ANO2: variants seen among roughly 807,000 people sequenced by gnomAD.
ANO2 encodes the protein anoctamin 2.
In ANO2, 101 loss-of-function variants were observed where a neutral mutation model predicts 124.2. The observed-to-expected ratio is 0.81, with a 90% CI of 0.69 to 0.96. The LOEUF (loss-of-function observed/expected upper bound fraction) is 0.96, where lower values mean the gene tolerates loss of function less well. Ranked by LOEUF, ANO2 falls within the 40% of genes least tolerant of loss-of-function variation. The probability of loss-of-function intolerance (pLI) is 0.00; values close to 1 mark genes in which losing one functional copy is unlikely to be tolerated. For missense variants in ANO2, 1,293 were observed against 1,274.5 expected (o/e 1.01, Z -0.22); for synonymous variants, 486 against 482.5 (o/e 1.01, Z -0.09).
chr12:5,678,409 A>C (rs568034059), intron 14 of ANO2, among the ~76,000 whole-genome samples: 1 of 152,232 alleles, frequency 6.6e-6, no homozygotes, highest in African/African-American at 2.4e-5. Flanking sequence ...CAGGGCGCCA[A>C]CTGGGTGGCA....
rs182167456 is a variant in ANO2, at chr12:5,761,808, A to G, written c.1056-10838T>C. Among the ~76,000 whole-genome samples the G allele has an allele frequency of 7.5e-3, 1,145 of 152,250 alleles. 5 individuals are homozygous for G. Among genetic ancestry groups the G allele is most frequent in the Non-Finnish European group, 0.012 (786 of 67,978 alleles). On this transcript the variant is annotated intron_variant, in intron 10 of 24. Transcript: ENST00000682330. Reference sequence around the variant, plus strand: ...CTTTGGTAAATAAGATTACTTTAACATTGTTAGATTAATGAAAACAGCTCT... The same window carrying G: ...CTTTGGTAAATAAGATTACTTTAACGTTGTTAGATTAATGAAAACAGCTCT...
chr12:5,610,801 G>A (rs1944493929), intron 19 of ANO2, among the ~76,000 whole-genome samples: 1 of 122,160 alleles, frequency 8.2e-6, no homozygotes, highest in Admixed American at 1.0e-4. Context: ...AGCTGGCCCA[G>A]CCCATCAGAG....
chr12:5,928,833 C>A (rs1237694070), intron 1 of ANO2, among the ~76,000 whole-genome samples: 1 of 36,788 alleles, frequency 2.7e-5, no homozygotes, highest in African/African-American at 1.3e-4. Context: ...TTTCCTTACT[C>A]GTCTACCTTC....
intron 23 of ANO2, among the ~76,000 whole-genome samples, chr12:5,568,519 T>A (rs901330857): frequency 1.3e-5 from 2 of 152,226 alleles, no homozygotes; most frequent in Non-Finnish European, 1.5e-5. Context: ...ACCAGGTAAA[T>A]GACTCGTTGT....
At chr12:5,739,813 T>C in intron 12 of ANO2, 1 of 453,094 alleles carries the variant, frequency 2.2e-6, no homozygotes, top group Non-Finnish European at 4.4e-6. Context: ...ACTTTTTCCC[T>C]ACATTTCTTT....
intron 14 of ANO2, among the ~76,000 whole-genome samples, chr12:5,666,651 T>A (rs989581642): frequency 7.6e-5 from 8 of 105,646 alleles, no homozygotes; most frequent in Non-Finnish European, 1.7e-4. Flanking sequence ...AGTCCACCCC[T>A]TTTTTCCCCC....
chr12:5,611,841 G>GA (rs1944561930), intron 19 of ANO2, among the ~76,000 whole-genome samples: 1 of 152,116 alleles, frequency 6.6e-6, no homozygotes, highest in South Asian at 2.1e-4. Context: ...GATTTTCGAA[G>GA]AACCCTGGGC....
intron 9 of ANO2, among the ~76,000 whole-genome samples, chr12:5,802,759 CCT>C (rs1377910155): frequency 6.6e-6 from 1 of 152,214 alleles, no homozygotes; most frequent in Non-Finnish European, 1.5e-5. Flanking sequence ...TTCACCATGT[CCT>C]CTCTTCACCA....
chr12:5,571,163 G>A (rs979248422), intron 23 of ANO2, among the ~76,000 whole-genome samples: 1 of 152,228 alleles, frequency 6.6e-6, no homozygotes, highest in African/African-American at 2.4e-5. Context: ...GGTTGACAAT[G>A]CCCAGGTAGG....
chr12:5,923,062 A>C (rs552057670), intron 1 of ANO2, among the ~76,000 whole-genome samples: 1,495 of 115,550 alleles, frequency 0.013, 117 homozygotes, highest in African/African-American at 0.053. Context: ...ACACCCACAT[A>C]CACACACACA....
intron 7 of ANO2, among the ~76,000 whole-genome samples, chr12:5,819,306 G>T (rs1284641774): frequency 6.6e-6 from 1 of 152,142 alleles, no homozygotes. Context: ...CATTAGAAAA[G>T]AACTGCTTGA....
intron 1 of ANO2, among the ~76,000 whole-genome samples, chr12:5,928,398 T>C (rs1009066472): frequency 6.6e-6 from 1 of 151,576 alleles, no homozygotes; most frequent in Non-Finnish European, 1.5e-5. Flanking sequence ...CTAGTCTACT[T>C]TCCTTCCTCA....
intron 3 of ANO2, among the ~76,000 whole-genome samples, chr12:5,902,611 TGGGAGGGGAGGGGAG>T (rs1302422969): frequency 7.5e-5 from 1 of 13,360 alleles, no homozygotes. Flanking sequence ...GGGAAGGGAA[TGGGAGGGGAGGGGAG>T]GGGAGGGGAG....
intron 7 of ANO2, 126 bp downstream of exon 7, chr12:5,827,643 C>A: frequency 1.7e-6 from 2 of 1,146,890 alleles, no homozygotes; most frequent in East Asian, 2.6e-5. Flanking sequence ...CCAAGCTAAG[C>A]AGCCTCTCCG....
At chr12:5,734,271 C>G (rs1950764285) in intron 13 of ANO2, among the ~76,000 whole-genome samples, 1 of 152,254 alleles carries the variant, frequency 6.6e-6, no homozygotes. Flanking sequence ...TTGCCTGTAA[C>G]AATTAATAAC....
intron 2 of ANO2, among the ~76,000 whole-genome samples, chr12:5,922,112 TCTG>T (rs570327694): frequency 6.6e-6 from 1 of 152,208 alleles, no homozygotes; most frequent in South Asian, 2.1e-4. Context: ...GGAACTGACT[TCTG>T]CTGTCTTCCA....
At chr12:5,927,308 C>G (rs562600146) in intron 1 of ANO2, among the ~76,000 whole-genome samples, 1 of 152,336 alleles carries the variant, frequency 6.6e-6, no homozygotes, top group South Asian at 2.1e-4. Context: ...ACCTCTGTCC[C>G]TTCTCATTGG....
intron 14 of ANO2, among the ~76,000 whole-genome samples, chr12:5,686,059 GC>G (rs1948691352): frequency 6.6e-6 from 1 of 152,192 alleles, no homozygotes; most frequent in Non-Finnish European, 1.5e-5. Context: ...AGACAAGCCA[GC>G]CCCCAGGCAA....
At chr12:5,856,155 T>G (rs919772287) in intron 3 of ANO2, 1 of 152,216 alleles carries the variant, frequency 6.6e-6, no homozygotes, top group African/African-American at 2.4e-5. Flanking sequence ...AGCCCAGCTC[T>G]CCATCACGGC....
Sources: gnomAD v4.1 joint callset for allele counts (sites outside exome capture counted in the v4.1 genomes callset) on GRCh38, gnomAD v4.1.1 for gene constraint, MANE v1.5 for transcripts, NCBI Gene and HGNC (gene_info 2026-07-23, HGNC 2026-07-21) for gene names.